BACH2: variants seen among roughly 807,000 people sequenced by gnomAD.
The protein encoded by BACH2 is transcription regulator protein BACH2.
A neutral mutation model predicts 61.8 loss-of-function variants in BACH2; 5 were observed. The ratio of observed to expected loss-of-function variants is 0.08; its 90% confidence interval spans 0.04 to 0.17. BACH2 has a LOEUF of 0.17. Among genes scored for constraint, BACH2 ranks in the 10% least tolerant of loss-of-function variants. The pLI is 1.00. For synonymous variants in BACH2, 446 were observed against 440.1 expected (o/e 1.01, Z -0.17); for missense variants, 824 against 1,091.1 (o/e 0.76, Z 3.45).
chr6:90,092,313 T>TACAC (rs1162981828), intron 4 of BACH2, among the ~76,000 whole-genome samples: 1,526 of 129,956 alleles, frequency 0.012, 51 homozygotes, highest in African/African-American at 0.048. Context: ...TATATATATA[T>TACAC]ATACACACAC....
intron 6 of BACH2, among the ~76,000 whole-genome samples, chr6:89,998,009 A>T (rs1240634800): frequency 6.6e-6 from 1 of 152,270 alleles, no homozygotes; most frequent in Non-Finnish European, 1.5e-5. Flanking sequence ...TCAGGAAAAA[A>T]TGAGTAACAA....
intron 7 of BACH2, among the ~76,000 whole-genome samples, chr6:89,939,024 T>A (rs1051031964): frequency 2.6e-5 from 4 of 152,266 alleles, no homozygotes; most frequent in Non-Finnish European, 5.9e-5. Flanking sequence ...TGTTGGGCAC[T>A]TTGGGAATTT....
chr6:90,107,026 C>T (rs879444727), intron 4 of BACH2, among the ~76,000 whole-genome samples: 3 of 152,228 alleles, frequency 2.0e-5, no homozygotes, highest in South Asian at 2.1e-4. Context: ...TCTTGGGCCA[C>T]TGTCCTTTAA....
intron 5 of BACH2, among the ~76,000 whole-genome samples, chr6:90,046,165 T>C (rs1265515085): frequency 2.0e-5 from 3 of 152,216 alleles, no homozygotes; most frequent in Non-Finnish European, 1.5e-5. Flanking sequence ...GAGCTCTGGA[T>C]ACGTTGACAT....
chr6:90,129,837 GTTGC>G (rs1157950535), intron 4 of BACH2, among the ~76,000 whole-genome samples: 2 of 151,714 alleles, frequency 1.3e-5, no homozygotes, highest in Non-Finnish European at 2.9e-5. Context: ...CTTTGCTGAA[GTTGC>G]TTATCAGTTC....
chr6:90,255,947 C>T (rs534143771), intron 2 of BACH2, among the ~76,000 whole-genome samples: 1 of 152,272 alleles, frequency 6.6e-6, no homozygotes, highest in East Asian at 1.9e-4. Context: ...CTCATATCAA[C>T]CCCAAAATGT....
intron 2 of BACH2, among the ~76,000 whole-genome samples, chr6:90,263,908 C>A (rs1056140700): frequency 5.3e-5 from 8 of 152,156 alleles, no homozygotes; most frequent in Admixed American, 3.9e-4. Flanking sequence ...AGGATGTGGT[C>A]ACTCAGGTTT....
At chr6:89,946,352 T>C (rs924893611) in intron 7 of BACH2, among the ~76,000 whole-genome samples, 4 of 152,158 alleles carry the variant, frequency 2.6e-5, no homozygotes, top group Admixed American at 6.5e-5. Flanking sequence ...ATAGGGGAAA[T>C]TGGACACTCT....
At chr6:90,040,386 T>C (rs1243754143) in intron 5 of BACH2, among the ~76,000 whole-genome samples, 1 of 152,184 alleles carries the variant, frequency 6.6e-6, no homozygotes, top group Non-Finnish European at 1.5e-5. Context: ...TTCAAATGTA[T>C]TTGAGATTAT....
intron 1 of BACH2, among the ~76,000 whole-genome samples, chr6:90,277,002 A>G (rs926061262): frequency 6.6e-6 from 1 of 152,148 alleles, no homozygotes; most frequent in East Asian, 1.9e-4. Flanking sequence ...ACCTTTTCAT[A>G]ATGGCTGCCT....
chr6:90,025,722 G>A (rs116640976), intron 5 of BACH2, among the ~76,000 whole-genome samples: 108 of 152,318 alleles, frequency 7.1e-4, no homozygotes, highest in African/African-American at 2.6e-3. Flanking sequence ...CTTCATTAAA[G>A]TTCCTTCAGG....
chr6:90,267,730 G>A (rs912474160), intron 2 of BACH2, among the ~76,000 whole-genome samples: 15 of 152,112 alleles, frequency 9.9e-5, no homozygotes, highest in African/African-American at 3.4e-4. Flanking sequence ...ATTCATATTT[G>A]ATAAGGATAA....
At position 89,930,719 on chromosome 6, in the gene BACH2, T is replaced by G. The variant is rs1478549394; in HGVS notation, c.*1689A>C. 6.6e-6 allele frequency: 1 copy of G among 152,634 alleles called. No individual in the cohort carries two copies. Among genetic ancestry groups the G allele is most frequent in the East Asian group, 1.9e-4 (1 of 5,316 alleles). 9.5% of individuals were successfully genotyped at this position (152,634 alleles called of 1,614,324 possible). A position where few individuals can be genotyped will look rare whatever the true frequency, so the allele number is the denominator to read the frequency against. ...TTGCAGCAAGAAGAGAAAATTATCA[T>G]CAGGTGAGGGTAGGGTATGTGTGTG... On this transcript the variant is annotated 3_prime_UTR_variant, in exon 9 of 9. Transcript: ENST00000257749.
chr6:90,087,977 A>C (rs1340134249), intron 5 of BACH2, among the ~76,000 whole-genome samples: 5 of 142,142 alleles, frequency 3.5e-5, no homozygotes, highest in Admixed American at 2.8e-4. Flanking sequence ...CATTCTTTCT[A>C]TTTTTTTTTT....
rs899589234 is a variant in BACH2 at position 89,927,187 on chromosome 6, G to A, written c.*5221C>T. 1 of 152,808 alleles carries A rather than the reference G, an allele frequency of 6.5e-6. No homozygotes were observed. Among genetic ancestry groups the A allele is most frequent in the Non-Finnish European group, 1.5e-5 (1 of 68,048 alleles). 9.5% of individuals were successfully genotyped at this position (152,808 alleles called of 1,614,324 possible). ...GTGCTTGCCTTGAATGGCTCACTGT[G>A]TCTAACAAGCACCTGAAGCTCCCAA... is the stretch of plus-strand genomic sequence containing the variant. On this transcript the variant is annotated 3_prime_UTR_variant, in exon 9 of 9. Transcript: ENST00000257749.
chr6:90,225,118 C>T (rs967205488), intron 3 of BACH2, among the ~76,000 whole-genome samples: 6 of 152,156 alleles, frequency 3.9e-5, no homozygotes, highest in African/African-American at 1.4e-4. Flanking sequence ...GGCATGCTGG[C>T]TCACACCTGT....
intron 4 of BACH2, among the ~76,000 whole-genome samples, chr6:90,137,479 T>C (rs571161549): frequency 6.6e-6 from 1 of 152,302 alleles, no homozygotes; most frequent in African/African-American, 2.4e-5. Context: ...GCAAGGAGAA[T>C]TGGATCTAAC....
chr6:90,244,806 C>T (rs1466273980), intron 3 of BACH2, among the ~76,000 whole-genome samples: 14 of 152,306 alleles, frequency 9.2e-5, no homozygotes, highest in Admixed American at 9.2e-4. Context: ...CCCTCATGGG[C>T]CTTTCTAGCT....
intron 4 of BACH2, among the ~76,000 whole-genome samples, chr6:90,198,220 T>C (rs1768828912): frequency 6.6e-6 from 1 of 152,202 alleles, no homozygotes; most frequent in Non-Finnish European, 1.5e-5. Context: ...TCCTCAGGCT[T>C]GTACCCATGG....
Sources: gnomAD v4.1 joint callset for allele counts (sites outside exome capture counted in the v4.1 genomes callset) on GRCh38, gnomAD v4.1.1 for gene constraint, MANE v1.5 for transcripts, NCBI Gene and HGNC (gene_info 2026-07-23, HGNC 2026-07-21) for gene names.